FAM220A: variants seen among roughly 807,000 people sequenced by gnomAD.
FAM220A encodes protein FAM220A.
For synonymous variants in FAM220A, 141 were observed against 130.7 expected (o/e 1.08, Z -0.54); for missense variants, 392 against 321.6 (o/e 1.22, Z -1.68).
chr7:6,333,821 G>A (rs1380862223), intron 1 of FAM220A, among the ~76,000 whole-genome samples: 9 of 148,104 alleles, frequency 6.1e-5, no homozygotes, highest in Non-Finnish European at 1.3e-4. Flanking sequence ...TGCCTAGAAT[G>A]GTCTCGAACT....
chr7:6,333,468 CATA>C (rs1334703357), intron 1 of FAM220A, among the ~76,000 whole-genome samples: 1 of 152,130 alleles, frequency 6.6e-6, no homozygotes, highest in Non-Finnish European at 1.5e-5. Context: ...AGGCTGTGAT[CATA>C]AGGAGGGACA....
intron 1 of FAM220A, among the ~76,000 whole-genome samples, chr7:6,336,903 C>G (rs936236029): frequency 6.6e-6 from 1 of 152,128 alleles, no homozygotes; most frequent in Non-Finnish European, 1.5e-5. Context: ...ATCCGCCCAC[C>G]TCAGCCTCCC....
chr7:6,333,899 T>C (rs529257753), intron 1 of FAM220A, among the ~76,000 whole-genome samples: 2 of 138,582 alleles, frequency 1.4e-5, no homozygotes, highest in African/African-American at 2.7e-5. Context: ...CAGGCTGGAG[T>C]GCAGTGGCGC....
rs1781601212 is a variant in FAM220A, at chr7:6,330,275, G to A, written c.*100C>T. 1.7e-6 allele frequency: 2 copies of A among 1,156,546 alleles called. No individual in the cohort carries two copies. The highest frequency in any genetic ancestry group is 1.6e-5 in the South Asian group (1 of 62,680). The allele number at this position is 1,156,546 out of a possible 1,614,324, so 71.6% of individuals were successfully genotyped here. On this transcript the variant is annotated 3_prime_UTR_variant, in exon 2 of 2. Coordinates refer to ENST00000313324, the MANE Select transcript of FAM220A (RefSeq NM_001037163.2). ...GCCAGGTCGTACAAAACTACAGCAG[G>A]AACCTAAGGGCTGCACAGTTTGCAT...
intron 1 of FAM220A, among the ~76,000 whole-genome samples, chr7:6,345,046 T>C (rs898734485): frequency 6.6e-6 from 1 of 152,118 alleles, no homozygotes; most frequent in Non-Finnish European, 1.5e-5. Context: ...GCCCGGCCAC[T>C]GCGCCCGGCC....
intron 1 of FAM220A, among the ~76,000 whole-genome samples, chr7:6,343,583 T>C (rs950623009): frequency 2.4e-4 from 37 of 151,838 alleles, no homozygotes; most frequent in Admixed American, 4.6e-4. Context: ...TTGGTATTGA[T>C]TCCATTTAAC....
intron 1 of FAM220A, among the ~76,000 whole-genome samples, chr7:6,334,004 G>A (rs572162696): frequency 1.0e-3 from 156 of 151,252 alleles, no homozygotes; most frequent in Non-Finnish European, 1.7e-3. Context: ...CCGCCACCAC[G>A]CCCGGCTAAT....
chr7:6,341,609 G>T (rs1781859924), intron 1 of FAM220A, among the ~76,000 whole-genome samples: 1 of 148,618 alleles, frequency 6.7e-6, no homozygotes. Flanking sequence ...GGAATGGCGT[G>T]AACCCAGGAG....
chr7:6,348,383 T>G (rs1332507163), intron 1 of FAM220A, among the ~76,000 whole-genome samples, 190 bp downstream of exon 1: 1 of 152,148 alleles, frequency 6.6e-6, no homozygotes, highest in Non-Finnish European at 1.5e-5. Flanking sequence ...TGACCCCCAG[T>G]GCCGCGTTTG....
rs775890978 is a variant in FAM220A at position 6,331,087 on chromosome 7, G to A, written c.68C>T (p.Ser23Leu). The change falls in exon 2 of 2, where the codon TCG (serine) becomes TTG (leucine). Residue 23 changes from serine to leucine, a missense_variant. Transcript: ENST00000313324. ...CTTAAGGCTGCATGATAGTTTGTCC[G>A]AGTCACCTCCTCCGGCCTGCTGCAC... ...AQVQQAGGGD[S>L]DKLSCSLKKR... 16 of 1,613,350 alleles carry A rather than the reference G, an allele frequency of 9.9e-6. No homozygotes were observed. Among genetic ancestry groups the A allele is most frequent in the Admixed American group, 3.3e-5 (2 of 59,988 alleles).
At chr7:6,331,583 A>G (rs1197586601) in intron 1 of FAM220A, among the ~76,000 whole-genome samples, 2 of 151,984 alleles carry the variant, frequency 1.3e-5, no homozygotes, top group Non-Finnish European at 2.9e-5. Context: ...GGTTTCACCA[A>G]GTTAGCTGGG....
chr7:6,348,292 C>T (rs1286355870), intron 1 of FAM220A, among the ~76,000 whole-genome samples: 2 of 151,988 alleles, frequency 1.3e-5, no homozygotes, highest in East Asian at 1.9e-4. Flanking sequence ...TAAAGGTCCT[C>T]TTCAACACCT....
rs530117550 is a variant in FAM220A at position 6,348,860 on chromosome 7, G to A, written c.-369C>T. ...GCGTGCTCAGGGAGCGAAGGAGGCG[G>A]CGGCTAGACCGGCGGGCGGGCGGGC... is the stretch of plus-strand genomic sequence containing the variant. On this transcript the variant is annotated 5_prime_UTR_variant, in exon 1 of 2. Coordinates refer to ENST00000313324, the MANE Select transcript of FAM220A (RefSeq NM_001037163.2). The A allele has an allele frequency of 1.3e-5, 5 of 390,858 alleles. No individual in the cohort carries two copies. In the East Asian group the frequency reaches 1.5e-4, roughly 11 times the overall value. The allele number at this position is 390,858 out of a possible 1,614,324, so 24.2% of individuals were successfully genotyped here. A position where few individuals can be genotyped will look rare whatever the true frequency, so the allele number is the denominator to read the frequency against.
chr7:6,346,419 T>C (rs1781951800), intron 1 of FAM220A, among the ~76,000 whole-genome samples: 1 of 152,072 alleles, frequency 6.6e-6, no homozygotes, highest in South Asian at 2.1e-4. Flanking sequence ...CAGGCTGGAG[T>C]GCAGTGGCAC....
intron 1 of FAM220A, among the ~76,000 whole-genome samples, chr7:6,337,843 A>C (rs181033358): frequency 6.6e-6 from 1 of 151,280 alleles, no homozygotes; most frequent in Non-Finnish European, 1.5e-5. Context: ...TTGCTCTGTC[A>C]CCCAGGCTGG....
chr7:6,330,067 TGTTGAAGACA>T lies in FAM220A; in HGVS notation c.*298_*307del, dbSNP rs1240284253. On this transcript the variant is annotated 3_prime_UTR_variant, in exon 2 of 2. Coordinates refer to ENST00000313324, the MANE Select transcript of FAM220A (RefSeq NM_001037163.2). Reference sequence around the variant, plus strand: ...TGGGACAGTAGCCCTTTAGAATGGATGTTGAAGACAGAACTTCATGGTAAATCCGTATGTT... The same window carrying T: ...TGGGACAGTAGCCCTTTAGAATGGATGAACTTCATGGTAAATCCGTATGTT... The T allele has an allele frequency of 1.1e-4, 35 of 330,348 alleles. No individual in the cohort carries two copies. Among genetic ancestry groups the T allele is most frequent in the African/African-American group, 7.3e-4 (33 of 45,422 alleles). 20.5% of individuals were successfully genotyped at this position (330,348 alleles called of 1,614,324 possible). A position where few individuals can be genotyped will look rare whatever the true frequency, so the allele number is the denominator to read the frequency against.
rs1339339621 is a variant in FAM220A at position 6,329,639 on chromosome 7, T to A, written c.*736A>T. ...CGACAACAGGAGTCACCTTGAAAAA[T>A]TTTAGGGTACAGGATACTGCAATTC... On this transcript the variant is annotated 3_prime_UTR_variant, in exon 2 of 2. Coordinates refer to ENST00000313324, the MANE Select transcript of FAM220A (RefSeq NM_001037163.2). 1 of 162,426 alleles carries A rather than the reference T, an allele frequency of 6.2e-6. No homozygotes were observed. Among genetic ancestry groups the A allele is most frequent in the African/African-American group, 2.4e-5 (1 of 41,424 alleles). 10.1% of individuals were successfully genotyped at this position (162,426 alleles called of 1,614,324 possible).
intron 1 of FAM220A, among the ~76,000 whole-genome samples, chr7:6,338,858 G>C (rs190982637): frequency 4.9e-4 from 74 of 152,320 alleles, no homozygotes; most frequent in African/African-American, 1.6e-3. Context: ...AGTCCCAAAG[G>C]GGAGAAGACA....
At chr7:6,346,887 C>T (rs1232630183) in intron 1 of FAM220A, among the ~76,000 whole-genome samples, 1 of 152,170 alleles carries the variant, frequency 6.6e-6, no homozygotes, top group Non-Finnish European at 1.5e-5. Flanking sequence ...GGGAGCAACC[C>T]AAGGACCGTC....
Sources: gnomAD v4.1 joint callset for allele counts (sites outside exome capture counted in the v4.1 genomes callset) on GRCh38, gnomAD v4.1.1 for gene constraint, MANE v1.5 for transcripts, NCBI Gene and HGNC (gene_info 2026-07-23, HGNC 2026-07-21) for gene names.